The following DPP10 variants were observed in gnomAD, a reference collection of about 807,000 sequenced individuals.
DPP10 encodes inactive dipeptidyl peptidase 10.
Under a neutral mutation model 120.9 loss-of-function variants are expected in DPP10, and 33 were observed. The ratio of observed to expected loss-of-function variants is 0.27; its 90% confidence interval spans 0.21 to 0.37. The LOEUF is 0.37. DPP10 is among the 10% of genes least tolerant of loss of function. The pLI, the probability that DPP10 is intolerant of heterozygous loss-of-function variation, is 1.00. For synonymous variants in DPP10, 337 were observed against 326.1 expected (o/e 1.03, Z -0.36); for missense variants, 816 against 942.8 (o/e 0.87, Z 1.76).
At chr2:114,844,638 A>T (rs1688407776) in intron 1 of DPP10, among the ~76,000 whole-genome samples, 1 of 151,966 alleles carries the variant, frequency 6.6e-6, no homozygotes, top group Admixed American at 6.6e-5. Context: ...CATCCTCATC[A>T]TATGACTCCT....
intron 1 of DPP10, among the ~76,000 whole-genome samples, chr2:114,494,019 T>C (rs1682239894): frequency 1.4e-5 from 2 of 147,674 alleles, no homozygotes; most frequent in Non-Finnish European, 3.0e-5. Flanking sequence ...TTCATATTAT[T>C]AAGTGCTTAA....
chr2:115,092,310 T>C (rs1387030418), intron 1 of DPP10, among the ~76,000 whole-genome samples: 5 of 152,162 alleles, frequency 3.3e-5, no homozygotes, highest in South Asian at 2.1e-4. Context: ...TCCAGAATGC[T>C]CTTGCCACTC....
chr2:115,656,451 C>G (rs1283297068), intron 5 of DPP10, among the ~76,000 whole-genome samples: 1 of 151,344 alleles, frequency 6.6e-6, no homozygotes, highest in Non-Finnish European at 1.5e-5. Context: ...ATATGTAGTT[C>G]TGAAGATTTG....
intron 1 of DPP10, among the ~76,000 whole-genome samples, chr2:114,752,213 C>T (rs1679298628): frequency 6.6e-6 from 1 of 152,168 alleles, no homozygotes; most frequent in South Asian, 2.1e-4. Flanking sequence ...GTTGCTGCCC[C>T]TTCCCCTGCC....
intron 1 of DPP10, among the ~76,000 whole-genome samples, chr2:114,637,697 G>C (rs1460155128): frequency 4.0e-5 from 6 of 151,744 alleles, no homozygotes; most frequent in Non-Finnish European, 8.8e-5. Flanking sequence ...TTATTCTCTT[G>C]CATATGGCTA....
chr2:114,831,450 G>T (rs574070744), intron 1 of DPP10, among the ~76,000 whole-genome samples: 1 of 152,206 alleles, frequency 6.6e-6, no homozygotes, highest in East Asian at 1.9e-4. Context: ...GCTTTGGAAA[G>T]CAAATAACTG....
chr2:114,800,463 GAATGCTAAAATT>G (rs1684096340), intron 1 of DPP10, among the ~76,000 whole-genome samples: 1 of 152,088 alleles, frequency 6.6e-6, no homozygotes, highest in African/African-American at 2.4e-5. Context: ...CACATACGAG[GAATGCTAAAATT>G]AGACTAGAAA....
intron 7 of DPP10, among the ~76,000 whole-genome samples, chr2:115,702,546 C>T (rs951476407): frequency 2.6e-5 from 4 of 152,068 alleles, no homozygotes; most frequent in Non-Finnish European, 4.4e-5. Context: ...AGCACTGATA[C>T]GTGCTACAGC....
At chr2:115,227,496 G>T (rs2057493069) in intron 1 of DPP10, among the ~76,000 whole-genome samples, 1 of 152,050 alleles carries the variant, frequency 6.6e-6, no homozygotes, top group South Asian at 2.1e-4. Context: ...CTGAGTTTTG[G>T]CAGCTATATA....
At chr2:115,467,283 C>T (rs1361012887) in intron 3 of DPP10, among the ~76,000 whole-genome samples, 1 of 152,036 alleles carries the variant, frequency 6.6e-6, no homozygotes. Flanking sequence ...AGACACTGGC[C>T]AGGGGCAGTG....
chr2:114,497,767 A>G (rs13432035), intron 1 of DPP10, among the ~76,000 whole-genome samples: 16,381 of 152,172 alleles, frequency 0.11, 2,222 homozygotes, highest in African/African-American at 0.32. Flanking sequence ...AACAAAGGAC[A>G]TGTTTGAACT....
chr2:115,762,724 A>G (rs1680264753), intron 12 of DPP10, 114 bp downstream of exon 12: 1 of 1,183,406 alleles, frequency 8.5e-7, no homozygotes, highest in Admixed American at 2.0e-5. Context: ...TAGGTTTGAC[A>G]GAGTGATCCT....
At chr2:114,810,274 T>G (rs1179598068) in intron 1 of DPP10, among the ~76,000 whole-genome samples, 1 of 152,192 alleles carries the variant, frequency 6.6e-6, no homozygotes, top group Non-Finnish European at 1.5e-5. Context: ...CATTTATCAC[T>G]GTGGAAAAAA....
At chr2:114,660,299 A>G (rs1573907587) in intron 1 of DPP10, among the ~76,000 whole-genome samples, 3 of 152,144 alleles carry the variant, frequency 2.0e-5, no homozygotes, top group African/African-American at 7.2e-5. Flanking sequence ...AAAAAATTAC[A>G]CTTTTTTTTC....
chr2:115,737,747 A>T (rs1013831787), intron 8 of DPP10, among the ~76,000 whole-genome samples: 6 of 152,192 alleles, frequency 3.9e-5, no homozygotes, highest in African/African-American at 1.4e-4. Flanking sequence ...TTGTTTTCAA[A>T]GTCCAAAGAA....
intron 1 of DPP10, among the ~76,000 whole-genome samples, chr2:114,920,828 A>G (rs1335116659): frequency 6.6e-6 from 1 of 152,208 alleles, no homozygotes; most frequent in African/African-American, 2.4e-5. Context: ...ACTCAAGAAC[A>G]GTAGTCCTTA....
chr2:114,742,330 A>G (rs966680018), intron 1 of DPP10, among the ~76,000 whole-genome samples: 5 of 152,222 alleles, frequency 3.3e-5, no homozygotes, highest in African/African-American at 1.2e-4. Flanking sequence ...AAGGAAAAAG[A>G]AAAGGAGAAG....
chr2:115,801,275 A>T (rs531889242), intron 19 of DPP10, among the ~76,000 whole-genome samples: 1 of 152,246 alleles, frequency 6.6e-6, no homozygotes, highest in Admixed American at 6.5e-5. Flanking sequence ...TGATTTTTGT[A>T]CATTGATTTT....
chr2:115,343,574 C>T (rs766189745), intron 2 of DPP10, among the ~76,000 whole-genome samples: 53 of 151,972 alleles, frequency 3.5e-4, no homozygotes, highest in Non-Finnish European at 5.0e-4. Flanking sequence ...ATTACTAATA[C>T]GTAACATGGG....
Sources: gnomAD v4.1 joint callset for allele counts (sites outside exome capture counted in the v4.1 genomes callset) on GRCh38, gnomAD v4.1.1 for gene constraint, MANE v1.5 for transcripts, NCBI Gene and HGNC (gene_info 2026-07-23, HGNC 2026-07-21) for gene names.